Variants in DHX57 observed in about 807,000 individuals in gnomAD.
DHX57 encodes putative ATP-dependent RNA helicase DHX57.
In DHX57, 105 loss-of-function variants were observed where a neutral mutation model predicts 156.2. The ratio of observed to expected loss-of-function variants is 0.67; its 90% CI spans 0.57 to 0.79. DHX57 has a LOEUF of 0.79. Ranked by LOEUF, DHX57 falls within the 30% of genes least tolerant of loss-of-function variation. DHX57 has a pLI of 0.00. For synonymous variants in DHX57, 704 were observed against 595.6 expected (o/e 1.18, Z -2.65); for missense variants, 1,847 against 1,661.9 (o/e 1.11, Z -1.94).
chr2:38,854,220 C>A, intron 8 of DHX57, 42 bp from the exon 9 acceptor site: 11 of 1,578,890 alleles, frequency 7.0e-6, no homozygotes, highest in Admixed American at 3.7e-5. Context: ...ATAAAATTTT[C>A]AAAAAAAGGA....
intron 13 of DHX57, among the ~76,000 whole-genome samples, chr2:38,831,261 C>A (rs530164311): frequency 9.2e-5 from 14 of 151,528 alleles, no homozygotes; most frequent in Admixed American, 2.0e-4. Flanking sequence ...ACATATGTCA[C>A]TGACTTCCTA....
chr2:38,809,954 T>C lies in DHX57; in HGVS notation c.3682-3261A>G, dbSNP rs139365380. ...TGTAGCCCAGGATGGAGTGCAATGA[T>C]GCGATCTCTGCTCACTGCAACCTCT... On this transcript the variant is annotated intron_variant, in intron 21 of 23. Coordinates refer to ENST00000457308, the MANE Select transcript of DHX57 (RefSeq NM_198963.3). Among the ~76,000 whole-genome samples the C allele has an allele frequency of 3.1e-4, 47 of 151,276 alleles. 1 individual carries two copies. The East Asian group carries it at 8.9e-3, about 29-fold the overall frequency.
At chr2:38,832,136 T>A (rs1005990247) in intron 13 of DHX57, among the ~76,000 whole-genome samples, 1 of 151,868 alleles carries the variant, frequency 6.6e-6, no homozygotes, top group Admixed American at 6.6e-5. Flanking sequence ...GGCTCACAAG[T>A]CTCTTTAGAC....
rs1175549133 is a variant in DHX57 at position 38,798,395 on chromosome 2, G to C, written c.4065C>G (p.Leu1355=). 1.2e-6 allele frequency: 2 copies of C among 1,613,976 alleles called. No homozygotes were observed. The highest frequency in any genetic ancestry group is 1.7e-6 in the Non-Finnish European group (2 of 1,179,948). ...TGCTTGGGTTTTTAATTTTATCCTG[G>C]AGAAGCTGATCAAGTTCGCAACGAA... is the stretch of plus-strand genomic sequence containing the variant. ...KELRCELDQL[L]QDKIKNPSID... is the part of the protein sequence containing the mutation. Residue 1355 remains leucine, a synonymous_variant, in exon 24 of 24, where the codon CTC becomes CTG. Transcript: ENST00000457308.
chr2:38,846,916 C>G (rs1457779040), intron 11 of DHX57, 103 bp downstream of exon 11: 2 of 870,508 alleles, frequency 2.3e-6, no homozygotes, highest in African/African-American at 1.7e-5. Flanking sequence ...CTTGAACTGG[C>G]CCCAAAAGAT....
At chr2:38,866,360 A>G (rs35011855) in intron 2 of DHX57, among the ~76,000 whole-genome samples, 4,662 of 152,314 alleles carry the variant, frequency 0.031, 99 homozygotes, top group Non-Finnish European at 0.048. Flanking sequence ...TCTTGCCTTA[A>G]GAAATTGCTC....
At chr2:38,863,217 T>G in intron 3 of DHX57, 144 bp downstream of exon 3, 1 of 821,814 alleles carries the variant, frequency 1.2e-6, no homozygotes, top group South Asian at 2.3e-5. Context: ...ATAATTATTC[T>G]TGTATTACTC....
chr2:38,815,892 T>G (rs1273919329), intron 19 of DHX57: 4 of 546,340 alleles, frequency 7.3e-6, no homozygotes, highest in Non-Finnish European at 1.3e-5. Flanking sequence ...ATTCAATAAA[T>G]CCAAGGATCA....
chr2:38,830,135 T>C (rs1315562175), intron 13 of DHX57, among the ~76,000 whole-genome samples: 1 of 152,154 alleles, frequency 6.6e-6, no homozygotes, highest in Non-Finnish European at 1.5e-5. Context: ...AAAACAAGCA[T>C]CTGTCAGCAG....
intron 1 of DHX57, among the ~76,000 whole-genome samples, chr2:38,870,959 T>C (rs1425479425): frequency 6.6e-6 from 1 of 150,536 alleles, no homozygotes; most frequent in African/African-American, 2.4e-5. Context: ...CTTTCAAAAA[T>C]GAAGGTAAAA....
intron 19 of DHX57, chr2:38,815,857 G>C: frequency 1.6e-6 from 1 of 611,860 alleles, no homozygotes; most frequent in South Asian, 2.1e-5. Flanking sequence ...CAGGCAAACT[G>C]AAACGGTTAT....
At chr2:38,802,971 C>T in intron 22 of DHX57, 56 bp from the exon 23 acceptor site, 2 of 1,595,548 alleles carry the variant, frequency 1.3e-6, no homozygotes, top group Non-Finnish European at 1.7e-6. Flanking sequence ...AAAAAGGGAA[C>T]AACCCCCCAG....
intron 12 of DHX57, 119 bp from the exon 13 acceptor site, chr2:38,838,066 A>G: frequency 1.5e-6 from 1 of 685,012 alleles, no homozygotes; most frequent in South Asian, 1.8e-5. Context: ...TTAATAGCAC[A>G]GATATTAACA....
At chr2:38,802,640 C>G (rs1669740253) in intron 23 of DHX57, 75 bp downstream of exon 23, 1 of 1,573,388 alleles carries the variant, frequency 6.4e-7, no homozygotes, top group Non-Finnish European at 8.7e-7. Flanking sequence ...GAGGAATGCC[C>G]TTGACTTCAT....
intron 5 of DHX57, among the ~76,000 whole-genome samples, chr2:38,860,578 C>A (rs991871163): frequency 2.0e-5 from 3 of 152,028 alleles, no homozygotes; most frequent in Non-Finnish European, 4.4e-5. Context: ...GTCTAGTACA[C>A]CAAAAGCAGG....
At chr2:38,849,733 C>T (rs1278957637) in intron 9 of DHX57, among the ~76,000 whole-genome samples, 2 of 152,138 alleles carry the variant, frequency 1.3e-5, no homozygotes, top group South Asian at 2.1e-4. Flanking sequence ...GTCTTTGAGG[C>T]ATGCACCTTG....
chr2:38,820,487 T>C (rs903296304), intron 17 of DHX57, among the ~76,000 whole-genome samples: 4 of 151,948 alleles, frequency 2.6e-5, no homozygotes, highest in African/African-American at 9.7e-5. Context: ...CAGTGAGAGG[T>C]TGGTTTAGAT....
chr2:38,858,078 T>C (rs532966500), intron 6 of DHX57, among the ~76,000 whole-genome samples: 29 of 152,304 alleles, frequency 1.9e-4, no homozygotes, highest in Non-Finnish European at 4.1e-4. Context: ...TGTTTTGTTT[T>C]TGAGACAGAG....
chr2:38,798,598 A>G (rs1232395875), intron 23 of DHX57, among the ~76,000 whole-genome samples, 156 bp from the exon 24 acceptor site: 1 of 152,206 alleles, frequency 6.6e-6, no homozygotes, highest in Non-Finnish European at 1.5e-5. Context: ...TTCATTTTGT[A>G]ATAGACTAAA....
Sources: allele counts gnomAD v4.1 joint callset (sites outside exome capture counted in the v4.1 genomes callset), GRCh38; gene constraint gnomAD v4.1.1; transcripts MANE v1.5; gene names NCBI Gene and HGNC (gene_info 2026-07-23, HGNC 2026-07-21).